JAZF1: variants seen among roughly 807,000 people sequenced by gnomAD.
JAZF1 encodes JAZF zinc finger 1, also known as juxtaposed with another zinc finger protein 1.
In JAZF1, 8 loss-of-function variants were observed where a neutral mutation model predicts 26.4. That is an observed-to-expected ratio of 0.30 (90% CI 0.18 to 0.55). The LOEUF is 0.55. Among genes scored for constraint, JAZF1 ranks in the 20% least tolerant of loss-of-function variants. JAZF1 has a pLI of 0.94. For missense variants in JAZF1, 199 were observed against 322.0 expected, an observed-to-expected ratio of 0.62 and a Z score of 2.92; for synonymous variants, 126 against 122.3, an observed-to-expected ratio of 1.03 and a Z score of -0.20.
At chr7:27,999,235 T>G (rs963951009) in intron 1 of JAZF1, among the ~76,000 whole-genome samples, 1 of 152,280 alleles carries the variant, frequency 6.6e-6, no homozygotes, top group African/African-American at 2.4e-5. Context: ...TTGGTCCCAT[T>G]TAATCCTGGG....
chr7:27,839,380 T>C (rs1782879830), intron 4 of JAZF1, among the ~76,000 whole-genome samples: 1 of 152,114 alleles, frequency 6.6e-6, no homozygotes, highest in Non-Finnish European at 1.5e-5. Flanking sequence ...TCTGTACAAA[T>C]CAAGAAAGAA....
At chr7:28,173,383 A>G (rs954181523) in intron 1 of JAZF1, among the ~76,000 whole-genome samples, 1 of 152,230 alleles carries the variant, frequency 6.6e-6, no homozygotes. Flanking sequence ...AAAATGTATA[A>G]TACAAATGTA....
At chr7:28,152,255 T>C (rs1783121917) in intron 1 of JAZF1, among the ~76,000 whole-genome samples, 1 of 152,224 alleles carries the variant, frequency 6.6e-6, no homozygotes. Flanking sequence ...GCTAAAACTT[T>C]GCTCTATACG....
chr7:27,844,618 C>T (rs2285931), intron 3 of JAZF1: 3 of 152,000 alleles, frequency 2.0e-5, no homozygotes, highest in African/African-American at 7.2e-5. Flanking sequence ...ACTAATATAT[C>T]ATTGCAGAAA....
intron 1 of JAZF1, among the ~76,000 whole-genome samples, chr7:28,175,290 G>A (rs1432389017): frequency 6.6e-6 from 1 of 152,150 alleles, no homozygotes; most frequent in Non-Finnish European, 1.5e-5. Context: ...TTCCCAGGAA[G>A]AGCCTGATGA....
At chr7:27,867,872 A>AGAGGGCC (rs1783504871) in intron 3 of JAZF1, among the ~76,000 whole-genome samples, 1 of 152,166 alleles carries the variant, frequency 6.6e-6, no homozygotes, top group Admixed American at 6.5e-5. Context: ...GGCCAGTTTC[A>AGAGGGCC]GAGGGCCAAG....
Position 28,044,443 on chromosome 7 carries a change from G to C in JAZF1, c.116-52462C>G, listed in dbSNP as rs992221108. ...GGGATGCTGCAGTTCCTATGGACTG[G>C]ACATCCCATAGTAGACAGCAGGTAC... On this transcript the variant is annotated intron_variant, in intron 1 of 4. Coordinates refer to ENST00000283928, the MANE Select transcript of JAZF1 (RefSeq NM_175061.4). 1.8e-4 allele frequency among the ~76,000 whole-genome samples: 28 copies of C among 152,242 alleles called. No homozygotes were observed. The East Asian group carries it at 5.4e-3, about 29-fold the overall frequency.
chr7:28,180,038 C>A (rs1562614990), intron 1 of JAZF1, among the ~76,000 whole-genome samples: 2 of 147,100 alleles, frequency 1.4e-5, no homozygotes, highest in African/African-American at 4.9e-5. Flanking sequence ...TCGGGCTACT[C>A]CGACCACCCG....
intron 4 of JAZF1, among the ~76,000 whole-genome samples, chr7:27,836,744 C>T (rs540782045): frequency 1.3e-5 from 2 of 152,316 alleles, no homozygotes; most frequent in East Asian, 3.9e-4. Context: ...CACGCAGTTC[C>T]CTACTGGCCA....
At chr7:28,078,006 C>G (rs1209053345) in intron 1 of JAZF1, among the ~76,000 whole-genome samples, 1 of 152,184 alleles carries the variant, frequency 6.6e-6, no homozygotes, top group Non-Finnish European at 1.5e-5. Context: ...CATGGTGGCA[C>G]TTATGAGACA....
intron 1 of JAZF1, among the ~76,000 whole-genome samples, chr7:28,092,808 C>T (rs1784324279): frequency 6.6e-6 from 1 of 151,706 alleles, no homozygotes; most frequent in South Asian, 2.1e-4. Flanking sequence ...CTGCAGTGAG[C>T]CGTAATTACA....
intron 2 of JAZF1, among the ~76,000 whole-genome samples, chr7:27,972,161 G>A (rs1486817023): frequency 6.6e-6 from 1 of 152,188 alleles, no homozygotes; most frequent in African/African-American, 2.4e-5. Flanking sequence ...CATAAACTGT[G>A]ATTTCAAGCA....
chr7:28,118,800 C>CA (rs1784791904), intron 1 of JAZF1, among the ~76,000 whole-genome samples: 1 of 151,950 alleles, frequency 6.6e-6, no homozygotes, highest in African/African-American at 2.4e-5. Context: ...ACAACACACA[C>CA]ACACACAGAG....
chr7:28,144,183 A>G (rs1782994684), intron 1 of JAZF1, among the ~76,000 whole-genome samples: 1 of 152,222 alleles, frequency 6.6e-6, no homozygotes, highest in South Asian at 2.1e-4. Context: ...AGATAAGGGA[A>G]TTCAAACCCA....
chr7:27,896,924 G>A (rs1053242356), intron 2 of JAZF1, among the ~76,000 whole-genome samples: 3 of 152,206 alleles, frequency 2.0e-5, no homozygotes, highest in African/African-American at 7.2e-5. Flanking sequence ...AGAAAGGAAT[G>A]TCAAGGCAAA....
intron 2 of JAZF1, among the ~76,000 whole-genome samples, chr7:27,943,083 G>A (rs568881564): frequency 6.6e-6 from 1 of 152,196 alleles, no homozygotes; most frequent in Non-Finnish European, 1.5e-5. Context: ...GCCCTTCCTA[G>A]GCCAACCTGA....
At chr7:28,126,230 A>G (rs531023958) in intron 1 of JAZF1, among the ~76,000 whole-genome samples, 1 of 152,214 alleles carries the variant, frequency 6.6e-6, no homozygotes, top group African/African-American at 2.4e-5. Context: ...CTCATGCAAC[A>G]AATATTTATT....
intron 1 of JAZF1, among the ~76,000 whole-genome samples, chr7:27,998,071 A>AAGGCAGGCAGGC (rs1554280810): frequency 0.02 from 2,279 of 111,402 alleles, 57 homozygotes; most frequent in Non-Finnish European, 0.025. Context: ...GGAAGGAAGG[A>AAGGCAGGCAGGC]AGGCAGGCAG....
intron 1 of JAZF1, among the ~76,000 whole-genome samples, chr7:28,079,323 T>C (rs376767892): frequency 6.6e-6 from 1 of 152,152 alleles, no homozygotes; most frequent in Non-Finnish European, 1.5e-5. Context: ...TGTACCTCAC[T>C]TGGACTCTGA....
Sources: allele counts gnomAD v4.1 joint callset (sites outside exome capture counted in the v4.1 genomes callset), GRCh38; gene constraint gnomAD v4.1.1; transcripts MANE v1.5; gene names NCBI Gene and HGNC (gene_info 2026-07-23, HGNC 2026-07-21).